Variants in OSBPL3 observed in about 807,000 individuals in gnomAD.
OSBPL3 encodes the protein oxysterol-binding protein-related protein 3.
In OSBPL3, 65 loss-of-function variants were observed where a neutral mutation model predicts 120.1. That is an observed-to-expected ratio of 0.54 (90% CI 0.44 to 0.67). The LOEUF is 0.67. Among genes scored for constraint, OSBPL3 ranks in the 30% least tolerant of loss-of-function variants. The probability of loss-of-function intolerance (pLI) is 0.00; values close to 1 mark genes in which losing one functional copy is unlikely to be tolerated. For synonymous variants in OSBPL3, 416 were observed against 402.6 expected, an observed-to-expected ratio of 1.03 and a Z score of -0.40; for missense variants, 1,004 against 1,082.1, an observed-to-expected ratio of 0.93 and a Z score of 1.01.
chr7:24,957,404 C>T (rs1373140273), intron 1 of OSBPL3, among the ~76,000 whole-genome samples: 2 of 152,060 alleles, frequency 1.3e-5, no homozygotes, highest in African/African-American at 2.4e-5. Context: ...ACGTTTCCAC[C>T]TAGGGATAGA....
At position 24,851,715 on chromosome 7, in the gene OSBPL3, C is replaced by T. The variant is rs1293293413; in HGVS notation, c.1158+789G>A. Among the ~76,000 whole-genome samples the T allele has an allele frequency of 6.7e-6, 1 of 150,036 alleles. No homozygotes were observed. Among genetic ancestry groups the T allele is most frequent in the Non-Finnish European group, 1.5e-5 (1 of 67,600 alleles). Reference sequence around the variant, plus strand: ...TATGCTATTTCAAAAGTTCTCTAGCCTCCTGATAGATTCAGGGTAAAAAAA... The same window carrying T: ...TATGCTATTTCAAAAGTTCTCTAGCTTCCTGATAGATTCAGGGTAAAAAAA... On this transcript the variant is annotated intron_variant, in intron 11 of 22. Transcript: ENST00000313367. This position sits in a 1 kb window ranked among gnomAD's most constrained non-coding sequence, Gnocchi z 4.1.
At chr7:24,845,220 C>T (rs1009328165) in intron 12 of OSBPL3, among the ~76,000 whole-genome samples, 1 of 151,446 alleles carries the variant, frequency 6.6e-6, no homozygotes, top group Non-Finnish European at 1.5e-5. Flanking sequence ...AACTTTTGAG[C>T]TAATCTAATT....
Position 24,892,455 on chromosome 7 carries a change from C to T in OSBPL3, c.18G>A (p.Lys6=). MMSDE[K]NLGVSQKLVS... ...CCAATTTTTGGGACACACCAAGGTT[C>T]TTCTCATCACTCATCATGGACAGCA... The change falls in exon 2 of 23, where the codon AAG becomes AAA. Residue 6 remains lysine (K), a synonymous_variant. Coordinates refer to ENST00000313367, the MANE Select transcript of OSBPL3 (RefSeq NM_015550.4). The T allele has an allele frequency of 6.2e-7, 1 of 1,613,370 alleles. No homozygotes were observed. Among genetic ancestry groups the T allele is most frequent in the South Asian group, 1.1e-5 (1 of 90,980 alleles).
chr7:24,948,341 T>C (rs1318859183), intron 1 of OSBPL3, among the ~76,000 whole-genome samples: 1 of 152,184 alleles, frequency 6.6e-6, no homozygotes, highest in Non-Finnish European at 1.5e-5. Flanking sequence ...CTTCAGAAGG[T>C]AGACCTATGG....
chr7:24,862,329 A>G lies in OSBPL3; in HGVS notation c.871-560T>C, dbSNP rs1030689905. 2.0e-5 allele frequency among the ~76,000 whole-genome samples: 3 copies of G among 152,350 alleles called. No homozygotes were observed. Among genetic ancestry groups the G allele is most frequent in the African/African-American group, 2.4e-5 (1 of 41,584 alleles). On this transcript the variant is annotated intron_variant, in intron 9 of 22. Coordinates refer to ENST00000313367, the MANE Select transcript of OSBPL3 (RefSeq NM_015550.4). The surrounding 1 kb of genome is among the most constrained non-coding windows in gnomAD (Gnocchi z 4.4). Reference sequence around the variant, plus strand: ...TGGAAATGATAGAAGCATTAAAGCTATAGGTTGAAAATGACAGCTAAAGCT... The same window carrying G: ...TGGAAATGATAGAAGCATTAAAGCTGTAGGTTGAAAATGACAGCTAAAGCT...
rs974026625 is a variant in OSBPL3, at chr7:24,813,448, G to A, written c.2172+1611C>T. On this transcript the variant is annotated intron_variant, in intron 19 of 22. Transcript: ENST00000313367. The surrounding 1 kb of genome is among the most constrained non-coding windows in gnomAD (Gnocchi z 4.5). Reference sequence around the variant, plus strand: ...CATGTTTCCTTGCAGAAAATGTTGAGAGCAACGTGGCTTTCACCTGGGTCA... The same window carrying A: ...CATGTTTCCTTGCAGAAAATGTTGAAAGCAACGTGGCTTTCACCTGGGTCA... Among the ~76,000 whole-genome samples, 1 of 152,204 alleles carries A rather than the reference G, an allele frequency of 6.6e-6. No homozygotes were observed. The highest frequency in any genetic ancestry group is 1.5e-5 in the Non-Finnish European group (1 of 68,028).
chr7:24,909,775 TTTTC>T (rs1562915999), intron 1 of OSBPL3, among the ~76,000 whole-genome samples: 3 of 136,186 alleles, frequency 2.2e-5, no homozygotes, highest in Admixed American at 7.7e-5. Flanking sequence ...ACTGTTTTTT[TTTTC>T]TTTCTTTTTT....
rs558794378 is a variant in OSBPL3 at position 24,888,184 on chromosome 7, G to A, written c.96+4193C>T. Among the ~76,000 whole-genome samples the A allele has an allele frequency of 6.3e-4, 96 of 152,182 alleles. 1 individual carries two copies. The highest frequency in any genetic ancestry group is 2.5e-3 in the Admixed American group (38 of 15,292). On this transcript the variant is annotated intron_variant, in intron 2 of 22. Transcript: ENST00000313367. ...AAAAAGCTAGAACTATTCACTATGGGCATTCAGGACTTTCACAAATAAGAC... is the reference window on the plus strand; with the variant it reads ...AAAAAGCTAGAACTATTCACTATGGACATTCAGGACTTTCACAAATAAGAC...
intron 16 of OSBPL3, among the ~76,000 whole-genome samples, chr7:24,826,053 C>A (rs780909427): frequency 6.6e-6 from 1 of 152,176 alleles, no homozygotes; most frequent in Non-Finnish European, 1.5e-5. Context: ...AAAAAAGGAA[C>A]ATAGCCAACT....
At chr7:24,902,242 A>G (rs972806272) in intron 1 of OSBPL3, among the ~76,000 whole-genome samples, 1 of 149,762 alleles carries the variant, frequency 6.7e-6, no homozygotes, top group African/African-American at 2.6e-5. Flanking sequence ...TAGGTATTTT[A>G]CTCTTTTAAT....
rs566562735 is a variant in OSBPL3 at position 24,881,038 on chromosome 7, C to T, written c.97-8969G>A. ...CAACTACAGGGCATTCATGACTCTT[C>T]AAGGAGACCCACTGCTTTGCTGGAC... On this transcript the variant is annotated intron_variant, in intron 2 of 22. Coordinates refer to ENST00000313367, the MANE Select transcript of OSBPL3 (RefSeq NM_015550.4). This position sits in a 1 kb window ranked among gnomAD's most constrained non-coding sequence, Gnocchi z 4.3. Among the ~76,000 whole-genome samples the T allele has an allele frequency of 2.6e-5, 4 of 152,214 alleles. No homozygotes were observed. The highest frequency in any genetic ancestry group is 4.4e-5 in the Non-Finnish European group (3 of 68,036).
At chr7:24,840,373 G>C (rs1372370231) in intron 14 of OSBPL3, among the ~76,000 whole-genome samples, 1 of 152,076 alleles carries the variant, frequency 6.6e-6, no homozygotes, top group Non-Finnish European at 1.5e-5. Context: ...AAGATGACCA[G>C]GATGATGACC....
chr7:24,936,011 C>G lies in OSBPL3; in HGVS notation c.-149-43390G>C. 6.8e-6 allele frequency among the ~76,000 whole-genome samples: 1 copy of G among 147,886 alleles called. No homozygotes were observed. Among genetic ancestry groups the G allele is most frequent in the Non-Finnish European group, 1.5e-5 (1 of 66,818 alleles). On this transcript the variant is annotated intron_variant, in intron 1 of 22. Transcript: ENST00000313367. This position sits in a 1 kb window ranked among gnomAD's most constrained non-coding sequence, Gnocchi z 4.2. Reference sequence around the variant, plus strand: ...ACTTGTCATTTAGCATTAGGTATATCTCCTAAAGCTATCCCTCCCCCCTCC... The same window carrying G: ...ACTTGTCATTTAGCATTAGGTATATGTCCTAAAGCTATCCCTCCCCCCTCC...
In OSBPL3 at chr7:24,952,206, C is replaced by A. The variant is rs1475497348; in HGVS notation, c.-150+27680G>T. On this transcript the variant is annotated intron_variant, in intron 1 of 22. Coordinates refer to ENST00000313367, the MANE Select transcript of OSBPL3 (RefSeq NM_015550.4). This position sits in a 1 kb window ranked among gnomAD's most constrained non-coding sequence, Gnocchi z 4.4. ...AGACACTGAAATGATGCACAAAATT[C>A]TGCTCAATAGGCTGATATTTCATGT... Among the ~76,000 whole-genome samples the A allele has an allele frequency of 1.3e-5, 2 of 152,198 alleles. No individual in the cohort carries two copies. Among genetic ancestry groups the A allele is most frequent in the African/African-American group, 4.8e-5 (2 of 41,446 alleles).
At chr7:24,914,976 G>A (rs1045281162) in intron 1 of OSBPL3, among the ~76,000 whole-genome samples, 20 of 152,032 alleles carry the variant, frequency 1.3e-4, no homozygotes, top group African/African-American at 4.1e-4. Context: ...ATCATACTTC[G>A]TAACCAAAAA....
At chr7:24,874,259 T>C (rs1802558293) in intron 2 of OSBPL3, among the ~76,000 whole-genome samples, 1 of 152,184 alleles carries the variant, frequency 6.6e-6, no homozygotes, top group African/African-American at 2.4e-5. Flanking sequence ...GGTATCGTCA[T>C]TGTTAAATAA....
chr7:24,840,455 T>G (rs565139828), intron 14 of OSBPL3, among the ~76,000 whole-genome samples: 53 of 152,200 alleles, frequency 3.5e-4, no homozygotes, highest in Non-Finnish European at 1.3e-4. Flanking sequence ...AAATTTTCTT[T>G]CCTCTAGCTT....
intron 1 of OSBPL3, among the ~76,000 whole-genome samples, chr7:24,929,463 A>C (rs1811508443): frequency 1.3e-5 from 2 of 152,218 alleles, no homozygotes; most frequent in Non-Finnish European, 2.9e-5. Context: ...AATGAACATC[A>C]ATAAGTTTTA....
intron 14 of OSBPL3, among the ~76,000 whole-genome samples, chr7:24,836,408 T>C (rs1041300878): frequency 1.3e-5 from 2 of 152,244 alleles, no homozygotes; most frequent in African/African-American, 4.8e-5. Context: ...TCTTCTTTGC[T>C]GAATTGTCTG....
Sources: gnomAD v4.1 joint callset for allele counts (sites outside exome capture counted in the v4.1 genomes callset) on GRCh38, gnomAD v4.1.1 for gene constraint, Gnocchi (gnomAD v3.1) non-coding constraint, MANE v1.5 for transcripts, NCBI Gene and HGNC (gene_info 2026-07-23, HGNC 2026-07-21) for gene names.